SNTG1: variants seen among roughly 807,000 people sequenced by gnomAD.
The protein encoded by SNTG1 is gamma-1-syntrophin.
Under a neutral mutation model 74.7 loss-of-function variants are expected in SNTG1, and 39 were observed. The observed-to-expected ratio is 0.52, with a 90% confidence interval of 0.40 to 0.68. SNTG1 has a LOEUF of 0.68. Ranked by LOEUF, SNTG1 falls within the 30% of genes least tolerant of loss-of-function variation. SNTG1 has a pLI of 0.00. For missense variants in SNTG1, 685 were observed against 609.5 expected, an observed-to-expected ratio of 1.12 and a Z score of -1.30; for synonymous variants, 254 against 217.1, an observed-to-expected ratio of 1.17 and a Z score of -1.49.
chr8:50,359,007 C>T (rs2091890930), intron 2 of SNTG1, among the ~76,000 whole-genome samples: 1 of 152,142 alleles, frequency 6.6e-6, no homozygotes, highest in African/African-American at 2.4e-5. Flanking sequence ...CACCTAGTTG[C>T]TGATCATCTA....
intron 2 of SNTG1, among the ~76,000 whole-genome samples, chr8:50,249,228 C>T (rs2086535562): frequency 6.6e-6 from 1 of 152,186 alleles, no homozygotes; most frequent in Non-Finnish European, 1.5e-5. Context: ...TGGAAATCTG[C>T]ACAGTTGCAA....
chr8:50,322,535 T>G (rs2090572889), intron 2 of SNTG1, among the ~76,000 whole-genome samples: 1 of 152,186 alleles, frequency 6.6e-6, no homozygotes, highest in Non-Finnish European at 1.5e-5. Flanking sequence ...AACCTGCTGG[T>G]GTTCTATAAT....
intron 1 of SNTG1, among the ~76,000 whole-genome samples, chr8:49,969,087 T>C (rs1020037485): frequency 6.6e-6 from 1 of 152,090 alleles, no homozygotes; most frequent in Non-Finnish European, 1.5e-5. Context: ...GATAGACAGA[T>C]TAGGTGACAG....
chr8:50,427,235 CA>C (rs1458683108), intron 4 of SNTG1, among the ~76,000 whole-genome samples: 1 of 151,932 alleles, frequency 6.6e-6, no homozygotes, highest in African/African-American at 2.4e-5. Context: ...AAGTTACAGT[CA>C]AAAATATTAT....
At chr8:50,611,682 G>A (rs2094850848) in intron 13 of SNTG1, among the ~76,000 whole-genome samples, 1 of 152,178 alleles carries the variant, frequency 6.6e-6, no homozygotes, top group Non-Finnish European at 1.5e-5. Flanking sequence ...AGCCACTTAA[G>A]GAGGCTGAGG....
chr8:49,982,960 A>C (rs1268999541), intron 1 of SNTG1, among the ~76,000 whole-genome samples: 3 of 152,206 alleles, frequency 2.0e-5, no homozygotes, highest in African/African-American at 7.2e-5. Context: ...ATTAAACATT[A>C]TGCACTGTGT....
intron 4 of SNTG1, among the ~76,000 whole-genome samples, chr8:50,429,157 A>G (rs1322582587): frequency 6.6e-6 from 1 of 152,130 alleles, no homozygotes; most frequent in African/African-American, 2.4e-5. Flanking sequence ...TAAAATTCAT[A>G]AGGAGATGAA....
intron 1 of SNTG1, among the ~76,000 whole-genome samples, chr8:50,167,266 G>T (rs1181849405): frequency 9.0e-6 from 1 of 110,596 alleles, no homozygotes; most frequent in African/African-American, 3.5e-5. Flanking sequence ...AAAACTTAAA[G>T]TATAATAATA....
intron 17 of SNTG1, among the ~76,000 whole-genome samples, chr8:50,743,821 G>A (rs994402764): frequency 1.3e-5 from 2 of 151,978 alleles, no homozygotes; most frequent in Admixed American, 6.6e-5. Context: ...ATAAAGGAAA[G>A]AGGTTTAGTT....
intron 2 of SNTG1, among the ~76,000 whole-genome samples, chr8:50,366,187 T>C (rs1342941193): frequency 6.6e-6 from 1 of 152,108 alleles, no homozygotes; most frequent in Non-Finnish European, 1.5e-5. Flanking sequence ...ACTATAACAT[T>C]GCCAAGACAT....
At chr8:50,754,397 T>G (rs549166756) in intron 18 of SNTG1, among the ~76,000 whole-genome samples, 1 of 152,100 alleles carries the variant, frequency 6.6e-6, no homozygotes, top group South Asian at 2.1e-4. Context: ...CTGCTCATCA[T>G]AGTCTTCATT....
intron 3 of SNTG1, among the ~76,000 whole-genome samples, chr8:50,397,443 T>C (rs1056666459): frequency 1.3e-5 from 2 of 152,188 alleles, no homozygotes; most frequent in Admixed American, 1.3e-4. Flanking sequence ...GCTGCTCCCA[T>C]GATTCGGTCT....
At chr8:49,951,873 C>CAAAA (rs5891338) in intron 1 of SNTG1, among the ~76,000 whole-genome samples, 778 of 56,322 alleles carry the variant, frequency 0.014, 10 homozygotes, top group Middle Eastern at 0.024. Flanking sequence ...GGAAAATTCA[C>CAAAA]AAAAAAAAAA....
At chr8:50,407,794 C>T (rs758778943) in intron 4 of SNTG1, among the ~76,000 whole-genome samples, 3 of 152,142 alleles carry the variant, frequency 2.0e-5, no homozygotes, top group Non-Finnish European at 4.4e-5. Flanking sequence ...TGAAGACTAG[C>T]GTTTTAAGGA....
intron 2 of SNTG1, among the ~76,000 whole-genome samples, chr8:50,367,461 TA>T (rs749863904): frequency 1.1e-4 from 17 of 152,166 alleles, no homozygotes; most frequent in Non-Finnish European, 2.4e-4. Context: ...ACCCTGCATA[TA>T]AAATTTATTA....
intron 5 of SNTG1, among the ~76,000 whole-genome samples, chr8:50,439,635 G>A (rs762888856): frequency 1.3e-4 from 19 of 151,496 alleles, no homozygotes; most frequent in Non-Finnish European, 2.8e-4. Flanking sequence ...GACCAGGGAG[G>A]CATGCAGAAC....
chr8:50,235,766 A>G (rs1397359081), intron 2 of SNTG1, among the ~76,000 whole-genome samples: 1 of 152,166 alleles, frequency 6.6e-6, no homozygotes, highest in Non-Finnish European at 1.5e-5. Flanking sequence ...CTTTCCCTAA[A>G]TGCATGGGAA....
chr8:50,380,665 G>A (rs764043120), intron 2 of SNTG1, among the ~76,000 whole-genome samples: 7 of 152,136 alleles, frequency 4.6e-5, no homozygotes, highest in South Asian at 2.1e-4. Flanking sequence ...AGTCTCCTGG[G>A]CAATGGAGCA....
intron 2 of SNTG1, among the ~76,000 whole-genome samples, chr8:50,313,650 T>C (rs1387186770): frequency 6.7e-6 from 1 of 150,118 alleles, no homozygotes; most frequent in Non-Finnish European, 1.5e-5. Context: ...TTCAGTTTAT[T>C]TTATAATGCC....
Sources: gnomAD v4.1 joint callset for allele counts (sites outside exome capture counted in the v4.1 genomes callset) on GRCh38, gnomAD v4.1.1 for gene constraint, MANE v1.5 for transcripts, NCBI Gene and HGNC (gene_info 2026-07-23, HGNC 2026-07-21) for gene names.